The following TRPC6 variants were observed in gnomAD, a reference collection of about 807,000 sequenced individuals.
TRPC6 encodes the protein short transient receptor potential channel 6.
In TRPC6, 55 loss-of-function variants were observed where a neutral mutation model predicts 90.7. The ratio of observed to expected loss-of-function variants is 0.61; its 90% CI spans 0.49 to 0.76. TRPC6 has a LOEUF of 0.76. TRPC6 is among the 30% of genes least tolerant of loss of function. The pLI, the probability that TRPC6 is intolerant of heterozygous loss-of-function variation, is 0.00. For missense variants in TRPC6, 989 were observed against 1,122.7 expected (o/e 0.88, Z 1.70); for synonymous variants, 393 against 393.0 (o/e 1.00, Z 0.00).
At chr11:101,460,542 G>A (rs979675766) in intron 10 of TRPC6, among the ~76,000 whole-genome samples, 1 of 152,116 alleles carries the variant, frequency 6.6e-6, no homozygotes, top group African/African-American at 2.4e-5. Flanking sequence ...TGGACATGGA[G>A]GGTGGACTGT....
intron 1 of TRPC6, among the ~76,000 whole-genome samples, chr11:101,514,443 G>A (rs1423114411): frequency 6.6e-6 from 1 of 152,192 alleles, no homozygotes; most frequent in Non-Finnish European, 1.5e-5. Context: ...AGTTAGCTGA[G>A]AGGAGGGAAG....
chr11:101,460,037 G>A (rs756490313), intron 10 of TRPC6, among the ~76,000 whole-genome samples: 22 of 152,220 alleles, frequency 1.4e-4, no homozygotes, highest in Non-Finnish European at 2.4e-4. Flanking sequence ...CTTATTATAA[G>A]ATCTCAATCT....
At chr11:101,572,008 A>G (rs1201424969) in intron 1 of TRPC6, among the ~76,000 whole-genome samples, 1 of 152,240 alleles carries the variant, frequency 6.6e-6, no homozygotes, top group Non-Finnish European at 1.5e-5. Flanking sequence ...ACAAAAGCCA[A>G]AATTGACAAA....
At chr11:101,477,401 G>GA (rs1269944006) in intron 5 of TRPC6, among the ~76,000 whole-genome samples, 1 of 151,742 alleles carries the variant, frequency 6.6e-6, no homozygotes, top group Non-Finnish European at 1.5e-5. Context: ...ACATACACTG[G>GA]AAAAATCTTT....
At chr11:101,525,067 G>A (rs1486982275) in intron 1 of TRPC6, among the ~76,000 whole-genome samples, 1 of 152,186 alleles carries the variant, frequency 6.6e-6, no homozygotes, top group Non-Finnish European at 1.5e-5. Context: ...TAAAAGTCTG[G>A]TGCCAGTTAC....
chr11:101,582,575 A>G (rs1862221546), intron 1 of TRPC6, among the ~76,000 whole-genome samples: 1 of 144,868 alleles, frequency 6.9e-6, no homozygotes, highest in East Asian at 2.1e-4. Flanking sequence ...AAAAAAAAAA[A>G]TACCCTAGAT....
chr11:101,512,907 T>C (rs566942161), intron 1 of TRPC6, among the ~76,000 whole-genome samples: 217 of 151,906 alleles, frequency 1.4e-3, no homozygotes, highest in African/African-American at 5.1e-3. Flanking sequence ...TAAGATAGAT[T>C]CTGGGGAGGA....
chr11:101,493,882 G>A (rs185896717), intron 2 of TRPC6, among the ~76,000 whole-genome samples: 23 of 152,240 alleles, frequency 1.5e-4, no homozygotes, highest in Admixed American at 6.5e-4. Context: ...GTACCTACTT[G>A]GGCTCCTTTC....
chr11:101,464,213 T>C (rs546913102), intron 10 of TRPC6, among the ~76,000 whole-genome samples: 17 of 152,330 alleles, frequency 1.1e-4, no homozygotes, highest in East Asian at 7.7e-4. Context: ...TTACTTCCAA[T>C]TACGTGGTCA....
intron 4 of TRPC6, 119 bp downstream of exon 4, chr11:101,488,818 A>C: frequency 1.8e-6 from 2 of 1,109,684 alleles, no homozygotes; most frequent in Non-Finnish European, 2.7e-6. Context: ...TGTTAAAAAC[A>C]ATAAAGATTA....
chr11:101,538,938 G>C (rs1475549208), intron 1 of TRPC6, among the ~76,000 whole-genome samples: 4 of 152,122 alleles, frequency 2.6e-5, no homozygotes, highest in African/African-American at 9.7e-5. Context: ...TATTTCTAAA[G>C]TCTCTCAATA....
intron 1 of TRPC6, among the ~76,000 whole-genome samples, chr11:101,529,917 T>C (rs1860869000): frequency 6.6e-6 from 1 of 152,202 alleles, no homozygotes; most frequent in Non-Finnish European, 1.5e-5. Context: ...AGTAAGCCAT[T>C]GATCAAAAAT....
chr11:101,536,038 G>C (rs1271375606), intron 1 of TRPC6, among the ~76,000 whole-genome samples: 3 of 152,170 alleles, frequency 2.0e-5, no homozygotes, highest in African/African-American at 7.2e-5. Flanking sequence ...GAAATAAGCA[G>C]ACAGACTTCT....
intron 1 of TRPC6, among the ~76,000 whole-genome samples, chr11:101,540,938 T>A (rs1167272890): frequency 6.6e-6 from 1 of 152,228 alleles, no homozygotes; most frequent in Non-Finnish European, 1.5e-5. Context: ...ACCCTTTACA[T>A]ATGTAAACTT....
At chr11:101,476,768 T>A (rs1227087971) in intron 5 of TRPC6, among the ~76,000 whole-genome samples, 1 of 152,192 alleles carries the variant, frequency 6.6e-6, no homozygotes, top group Non-Finnish European at 1.5e-5. Context: ...AAATAACAAA[T>A]GTCCTGCTGA....
rs1447026442 is a variant in TRPC6 at position 101,530,618 on chromosome 11, T to A, written c.171-25820A>T. 2.6e-5 allele frequency among the ~76,000 whole-genome samples: 4 copies of A among 152,052 alleles called. No homozygotes were observed. In the East Asian group the frequency reaches 7.7e-4, roughly 29 times the overall value. On this transcript the variant is annotated intron_variant, in intron 1 of 12. Coordinates refer to ENST00000344327, the MANE Select transcript of TRPC6 (RefSeq NM_004621.6). ...TCTACAGACCTGGTAACAGGCCCAT[T>A]TTCTGCAGACCTTGAAGTGGACCCT... is the stretch of plus-strand genomic sequence containing the variant.
At chr11:101,468,852 ATCATTTCTTTT>A (rs1160726252) in intron 10 of TRPC6, among the ~76,000 whole-genome samples, 5 of 151,974 alleles carry the variant, frequency 3.3e-5, no homozygotes, top group African/African-American at 9.7e-5. Context: ...TCATTCCTTT[ATCATTTCTTTT>A]CAGCAACAAG....
chr11:101,504,790 G>A lies in TRPC6; in HGVS notation c.179C>T (p.Ser60Phe). ...CYGYYPCFRG[S>F]DNRLAHRRQT... ...CCGCCGGTGAGCCAGTCTGTTGTCA[G>A]ATCCCCGGCTGCAATAAAACAGAAA... The change falls in exon 2 of 13, where the codon TCT (serine) becomes TTT (phenylalanine). Residue 60 changes from serine (S) to phenylalanine (F), a missense_variant. This residue lies in a region of TRPC6 where 194 missense variants were observed against 136.5 expected (regional missense o/e 1.42). Coordinates refer to ENST00000344327, the MANE Select transcript of TRPC6 (RefSeq NM_004621.6). 2 of 1,611,726 alleles carry A rather than the reference G, an allele frequency of 1.2e-6. No homozygotes were observed. The highest frequency in any genetic ancestry group is 1.7e-6 in the Non-Finnish European group (2 of 1,179,024).
intron 2 of TRPC6, among the ~76,000 whole-genome samples, chr11:101,502,333 T>C (rs1459913439): frequency 1.3e-5 from 2 of 152,194 alleles, no homozygotes; most frequent in Non-Finnish European, 2.9e-5. Context: ...TTCTATCACA[T>C]TGGATTATAA....
Sources: allele counts gnomAD v4.1 joint callset (sites outside exome capture counted in the v4.1 genomes callset), GRCh38; gene constraint gnomAD v4.1.1; regional missense constraint gnomAD v4.1.1; transcripts MANE v1.5; gene names NCBI Gene and HGNC (gene_info 2026-07-23, HGNC 2026-07-21).